The following SSTR5 variants were observed in gnomAD, a reference collection of about 807,000 sequenced individuals.
SSTR5 encodes somatostatin receptor type 5.
In SSTR5, 1 loss-of-function variant was observed where a neutral mutation model predicts 0.3. That is an observed-to-expected ratio of 2.98 (90% CI 1.06 to 14.15). SSTR5 has a LOEUF of 14.15. Among genes scored for constraint, SSTR5 ranks in the 30% most tolerant of loss-of-function variants. The pLI is 0.12. For missense variants in SSTR5, 516 were observed against 543.2 expected (o/e 0.95, Z 0.50); for synonymous variants, 256 against 263.1 (o/e 0.97, Z 0.26).
intron 1 of SSTR5, 57 bp from the exon 2 acceptor site, chr16:1,078,785 C>G (rs1363817733): frequency 5.9e-6 from 9 of 1,515,500 alleles, no homozygotes; most frequent in Non-Finnish European, 8.0e-6. Flanking sequence ...GAAGGAATGC[C>G]TGCATGTGCT....
intron 1 of SSTR5, chr16:1,078,402 G>A: frequency 1.1e-5 from 2 of 177,322 alleles, no homozygotes; most frequent in African/African-American, 2.4e-5. Context: ...TCTCTCCACT[G>A]CCACCTCTCC....
intron 1 of SSTR5, among the ~76,000 whole-genome samples, chr16:1,077,072 CCGT>C (rs1179545563): frequency 6.6e-6 from 1 of 152,172 alleles, no homozygotes; most frequent in Non-Finnish European, 1.5e-5. Context: ...CTGGGCTCCC[CCGT>C]CCCCAGCTCT....
At chr16:1,078,699 G>A (rs1368979726) in intron 1 of SSTR5, 143 bp from the exon 2 acceptor site, 13 of 770,332 alleles carry the variant, frequency 1.7e-5, no homozygotes, top group African/African-American at 5.3e-5. Flanking sequence ...CGTGATTCCC[G>A]GCCAAGCTAA....
chr16:1,078,424 G>A (rs891673648), intron 1 of SSTR5: 14 of 194,046 alleles, frequency 7.2e-5, no homozygotes, highest in Admixed American at 1.1e-4. Flanking sequence ...TGTGTGTCCC[G>A]GGAGGGGCCG....
rs770419969 is a variant in SSTR5, at chr16:1,079,292, G to A, written c.424G>A (p.Val142Met). 3.1e-6 allele frequency: 5 copies of A among 1,611,362 alleles called. No homozygotes were observed. In the South Asian group the frequency reaches 4.4e-5, roughly 14 times the overall value. Residue 142 changes from valine (V) to methionine (M), a missense_variant, in exon 2 of 2, where the codon GTG (valine) becomes ATG (methionine). By Grantham distance (21) the Val-to-Met change is conservative. Transcript: ENST00000689027. ...GAGCGTGGACCGCTACCTGGCAGTG[G>A]TGCACCCGCTGAGCTCGGCCCGCTG... is the stretch of plus-strand genomic sequence containing the variant. ...VMSVDRYLAV[V>M]HPLSSARWRR... is the part of the protein sequence containing the mutation.
At position 1,079,226 on chromosome 16, in the gene SSTR5, G is replaced by A. The variant is rs372669476; in HGVS notation, c.358G>A (p.Gly120Ser). The A allele has an allele frequency of 1.9e-5, 30 of 1,612,344 alleles. No individual in the cohort carries two copies. Among genetic ancestry groups the A allele is most frequent in the East Asian group, 8.9e-5 (4 of 44,884 alleles). ...GTGCCGCCTGGTCATGACGCTGGACGGCGTCAACCAGTTCACCAGTGTCTT... is the reference window on the plus strand; with the variant it reads ...GTGCCGCCTGGTCATGACGCTGGACAGCGTCAACCAGTTCACCAGTGTCTT... ...VLCRLVMTLD[G>S]VNQFTSVFCL... The change falls in exon 2 of 2, where the codon GGC (glycine) becomes AGC (serine). Residue 120 changes from glycine to serine, a missense_variant. Coordinates refer to ENST00000689027, the MANE Select transcript of SSTR5 (RefSeq NM_001172560.3).
In SSTR5 at chr16:1,080,873, A is replaced by G. The variant is rs1398621979; in HGVS notation, c.*910A>G. 1 of 373,202 alleles carries G rather than the reference A, an allele frequency of 2.7e-6. No individual in the cohort carries two copies. Among genetic ancestry groups the G allele is most frequent in the South Asian group, 2.0e-5 (1 of 48,938 alleles). 23.1% of individuals were successfully genotyped at this position (373,202 alleles called of 1,614,324 possible). ...GGAGGACCTGAGGGTCAGGGCTTGG[A>G]GAGGACAGGGAACCTGCGGCCGTCT... On this transcript the variant is annotated 3_prime_UTR_variant, in exon 2 of 2. Transcript: ENST00000689027.
chr16:1,074,200 G>A (rs1350272071), intron 1 of SSTR5, among the ~76,000 whole-genome samples: 4 of 152,332 alleles, frequency 2.6e-5, no homozygotes, highest in East Asian at 1.9e-4. Context: ...GCCTGGCTCC[G>A]GGGCCTTTGG....
chr16:1,075,230 C>G (rs1258897684), intron 1 of SSTR5, among the ~76,000 whole-genome samples: 2 of 152,228 alleles, frequency 1.3e-5, no homozygotes, highest in Non-Finnish European at 2.9e-5. Context: ...TGAAGTCTAA[C>G]TCCGGAGGTG....
rs1960355623 is a variant in SSTR5, at chr16:1,080,717, G to A, written c.*754G>A. Among the ~76,000 whole-genome samples the A allele has an allele frequency of 6.6e-6, 1 of 152,204 alleles. No homozygotes were observed. Among genetic ancestry groups the A allele is most frequent in the Non-Finnish European group, 1.5e-5 (1 of 68,034 alleles). On this transcript the variant is annotated 3_prime_UTR_variant, in exon 2 of 2. Coordinates refer to ENST00000689027, the MANE Select transcript of SSTR5 (RefSeq NM_001172560.3). The stretch of plus-strand genomic sequence containing the variant: ...GGTGCAGAGGAGAGCTGGGGGCTGA[G>A]GTTGGGGTGAAGGCTGCAGCCCTCC...
At chr16:1,075,956 CACCTCCCCCTCTCTCT>C (rs1381678911) in intron 1 of SSTR5, among the ~76,000 whole-genome samples, 54 of 18,128 alleles carry the variant, frequency 3.0e-3, no homozygotes, top group Admixed American at 7.0e-3. Context: ...TCTCCCTCCC[CACCTCCCCCTCTCTCT>C]CCCTCCCCCT....
chr16:1,078,596 G>A (rs1176586009), intron 1 of SSTR5: 8 of 546,878 alleles, frequency 1.5e-5, no homozygotes, highest in East Asian at 9.4e-5. Flanking sequence ...GGCAGCTGTC[G>A]CCATATCGAC....
Position 1,080,877 on chromosome 16 carries a change from G to C in SSTR5, c.*914G>C. On this transcript the variant is annotated 3_prime_UTR_variant, in exon 2 of 2. Coordinates refer to ENST00000689027, the MANE Select transcript of SSTR5 (RefSeq NM_001172560.3). ...GACCTGAGGGTCAGGGCTTGGAGAG[G>C]ACAGGGAACCTGCGGCCGTCTCTTC... The C allele has an allele frequency of 2.6e-6, 1 of 380,220 alleles. No individual in the cohort carries two copies. Among genetic ancestry groups the C allele is most frequent in the South Asian group, 2.0e-5 (1 of 49,924 alleles). The allele number at this position is 380,220 out of a possible 1,614,324, so 23.6% of individuals were successfully genotyped here. A position where few individuals can be genotyped will look rare whatever the true frequency, so the allele number is the denominator to read the frequency against.
chr16:1,076,407 C>G (rs1960213641), intron 1 of SSTR5, among the ~76,000 whole-genome samples: 1 of 146,970 alleles, frequency 6.8e-6, no homozygotes, highest in Non-Finnish European at 1.5e-5. Context: ...CTGCTGCACT[C>G]TGGCTCCTGC....
intron 1 of SSTR5, among the ~76,000 whole-genome samples, chr16:1,075,015 G>C (rs143119247): frequency 6.6e-6 from 1 of 152,172 alleles, no homozygotes; most frequent in Non-Finnish European, 1.5e-5. Flanking sequence ...CTTCGTGGCC[G>C]AGGGCTCGGG....
Position 1,079,709 on chromosome 16 carries a change from G to C in SSTR5, c.841G>C (p.Ala281Pro). The C allele has an allele frequency of 6.2e-7, 1 of 1,611,848 alleles. No individual in the cohort carries two copies. The highest frequency in any genetic ancestry group is 8.5e-7 in the Non-Finnish European group (1 of 1,179,890). ...GGCCGTGGCGCTGCCCCAGGAGCCC[G>C]CCTCCGCCGGCCTCTACTTCTTCGT... is the stretch of plus-strand genomic sequence containing the variant. Reference protein sequence around the residue: ...NLAVALPQEPASAGLYFFVVI... With the variant: ...NLAVALPQEPPSAGLYFFVVI... The change falls in exon 2 of 2, where the codon GCC becomes CCC. Residue 281 changes from alanine to proline, a missense_variant. Coordinates refer to ENST00000689027, the MANE Select transcript of SSTR5 (RefSeq NM_001172560.3).
intron 1 of SSTR5, among the ~76,000 whole-genome samples, 87 bp downstream of exon 1, chr16:1,072,909 C>G (rs865800574): frequency 6.6e-6 from 1 of 151,776 alleles, no homozygotes; most frequent in Non-Finnish European, 1.5e-5. Flanking sequence ...ACCCTGTGTG[C>G]GCAGCCCCGG....
intron 1 of SSTR5, chr16:1,078,314 C>A (rs1010447169): frequency 6.3e-6 from 1 of 159,650 alleles, no homozygotes; most frequent in East Asian, 1.8e-4. Flanking sequence ...GGCGACACCA[C>A]GTCCAGCCAC....
Position 1,079,856 on chromosome 16 carries a change from G to A in SSTR5, c.988G>A (p.Ala330Thr), listed in dbSNP as rs757901409. Reference protein sequence around the residue: ...CLRKGSGAKDADATEPRPDRI... With the variant: ...CLRKGSGAKDTDATEPRPDRI... Reference sequence around the variant, plus strand: ...CCGCAAGGGCTCTGGTGCCAAGGACGCTGACGCCACGGAGCCGCGTCCAGA... The same window carrying A: ...CCGCAAGGGCTCTGGTGCCAAGGACACTGACGCCACGGAGCCGCGTCCAGA... The change falls in exon 2 of 2, where the codon GCT (alanine) becomes ACT (threonine). Residue 330 changes from alanine (A) to threonine (T), a missense_variant. Ala to Thr is a moderately conservative substitution (Grantham distance 58). Coordinates refer to ENST00000689027, the MANE Select transcript of SSTR5 (RefSeq NM_001172560.3). The A allele has an allele frequency of 1.7e-5, 28 of 1,611,372 alleles. No homozygotes were observed. The highest frequency in any genetic ancestry group is 1.1e-4 in the African/African-American group (8 of 74,930).
Sources: allele counts gnomAD v4.1 joint callset (sites outside exome capture counted in the v4.1 genomes callset), GRCh38; gene constraint gnomAD v4.1.1; transcripts MANE v1.5; gene names NCBI Gene and HGNC (gene_info 2026-07-23, HGNC 2026-07-21).